The following FBN1 variants were observed in gnomAD, a reference collection of about 807,000 sequenced individuals.
FBN1 encodes fibrillin-1.
A neutral mutation model predicts 365.1 loss-of-function variants in FBN1; 29 were observed. The observed-to-expected ratio is 0.08, with a 90% CI of 0.06 to 0.11. FBN1 has a LOEUF of 0.11. Ranked by LOEUF, FBN1 falls within the 10% of genes least tolerant of loss-of-function variation. FBN1 has a pLI of 1.00. For synonymous variants in FBN1, 1,210 were observed against 1,270.5 expected (o/e 0.95, Z 1.01); for missense variants, 2,476 against 3,703.2 (o/e 0.67, Z 8.60).
At chr15:48,526,047 C>T (rs938018131) in intron 9 of FBN1, 83 bp downstream of exon 9, 1 of 1,536,416 alleles carries the variant, frequency 6.5e-7, no homozygotes, top group Admixed American at 1.7e-5. Flanking sequence ...ATTATATGTG[C>T]TCCTTAACAA....
intron 56 of FBN1, 44 bp downstream of exon 56, chr15:48,430,627 C>T: frequency 1.2e-6 from 2 of 1,612,260 alleles, no homozygotes; most frequent in Non-Finnish European, 1.7e-6. Flanking sequence ...TGTCCACTGT[C>T]ACTTCTGATG....
chr15:48,480,644 AATAAAT>A (rs2043458703), intron 32 of FBN1, among the ~76,000 whole-genome samples: 2 of 152,286 alleles, frequency 1.3e-5, no homozygotes, highest in South Asian at 4.1e-4. Flanking sequence ...TTGAAACAAT[AATAAAT>A]ATATTTTGGT....
At chr15:48,601,258 GC>G (rs779575731) in intron 4 of FBN1, among the ~76,000 whole-genome samples, 2 of 152,186 alleles carry the variant, frequency 1.3e-5, no homozygotes, top group Non-Finnish European at 1.5e-5. Flanking sequence ...GCAGGCAAGT[GC>G]TCTCATTTCT....
intron 54 of FBN1, 126 bp downstream of exon 54, chr15:48,434,468 C>T (rs2043048507): frequency 1.7e-6 from 2 of 1,149,468 alleles, no homozygotes; most frequent in African/African-American, 1.5e-5. Context: ...GATCAAATGG[C>T]CCATCAGGCC....
intron 2 of FBN1, among the ~76,000 whole-genome samples, chr15:48,639,009 T>C (rs1164826859): frequency 6.6e-6 from 1 of 152,248 alleles, no homozygotes; most frequent in South Asian, 2.1e-4. Context: ...GTTTTATTAA[T>C]GTCTTTGCAG....
chr15:48,546,236 T>A (rs951144068), intron 6 of FBN1, among the ~76,000 whole-genome samples: 4 of 152,166 alleles, frequency 2.6e-5, no homozygotes, highest in African/African-American at 9.7e-5. Context: ...GAGGAGGTAG[T>A]GAATAAATAG....
intron 6 of FBN1, among the ~76,000 whole-genome samples, chr15:48,587,481 G>A (rs1160705101): frequency 2.0e-5 from 3 of 152,188 alleles, no homozygotes; most frequent in Non-Finnish European, 2.9e-5. Context: ...TTGGAGTTAT[G>A]TGAGTTGACG....
At chr15:48,529,177 TG>T (rs1248060332) in intron 8 of FBN1, 2 of 152,336 alleles carry the variant, frequency 1.3e-5, no homozygotes, top group Admixed American at 6.5e-5. Flanking sequence ...GGTGCTTGGC[TG>T]GGAAGAGCTA....
At chr15:48,428,182 A>G in intron 57 of FBN1, 164 bp downstream of exon 57, 5 of 863,792 alleles carry the variant, frequency 5.8e-6, no homozygotes, top group Non-Finnish European at 7.5e-6. Flanking sequence ...GGTGGTGCTG[A>G]GCCCAATGGA....
At position 48,639,695 on chromosome 15, in the gene FBN1, C is replaced by A. The variant is rs145090346; in HGVS notation, c.164+4911G>T. Reference sequence around the variant, plus strand: ...ACTTGAACAATCATGAAACGCTAAACTATCATGTGCCTGAGTTAGGCCACA... The same window carrying A: ...ACTTGAACAATCATGAAACGCTAAAATATCATGTGCCTGAGTTAGGCCACA... On this transcript the variant is annotated intron_variant, in intron 2 of 65. Coordinates refer to ENST00000316623, the MANE Select transcript of FBN1 (RefSeq NM_000138.5). Among the ~76,000 whole-genome samples the A allele has an allele frequency of 4.6e-3, 706 of 152,314 alleles. 10 individuals are homozygous for A. The highest frequency in any genetic ancestry group is 0.017 in the African/African-American group (689 of 41,566).
intron 4 of FBN1, among the ~76,000 whole-genome samples, chr15:48,604,450 G>C (rs773788825): frequency 6.6e-6 from 1 of 152,152 alleles, no homozygotes; most frequent in Non-Finnish European, 1.5e-5. Flanking sequence ...TCATTTAGAG[G>C]GATAACAGCA....
At chr15:48,425,027 GAATA>G (rs936070868) in intron 60 of FBN1, among the ~76,000 whole-genome samples, 37 of 152,280 alleles carry the variant, frequency 2.4e-4, no homozygotes, top group African/African-American at 8.9e-4. Flanking sequence ...TAGCTATAAA[GAATA>G]AATACAAAAA....
At chr15:48,515,685 C>T (rs2043795271) in intron 11 of FBN1, among the ~76,000 whole-genome samples, 158 bp from the exon 12 acceptor site, 1 of 152,188 alleles carries the variant, frequency 6.6e-6, no homozygotes, top group Non-Finnish European at 1.5e-5. Context: ...TTCCACCCTG[C>T]CAACAGAGAT....
In FBN1 at chr15:48,487,335, G is replaced by T. The variant is rs1486493517; in HGVS notation, c.3440C>A (p.Ser1147Tyr). The change falls in exon 28 of 66, where the codon TCC becomes TAC. Residue 1147 changes from serine to tyrosine, a missense_variant. Transcript: ENST00000316623. ...ACCGATACACGCGGAGATGTTGGGGGACAGCTGATGGCCAGGCGGGCATTC... is the reference window on the plus strand; with the variant it reads ...ACCGATACACGCGGAGATGTTGGGGTACAGCTGATGGCCAGGCGGGCATTC... ...RCECPPGHQL[S>Y]PNISACIDIN... The T allele has an allele frequency of 1.2e-6, 2 of 1,614,218 alleles. No homozygotes were observed. Among genetic ancestry groups the T allele is most frequent in the Non-Finnish European group, 1.7e-6 (2 of 1,180,030 alleles).
At chr15:48,496,910 C>T (rs2043613023) in intron 19 of FBN1, among the ~76,000 whole-genome samples, 1 of 152,146 alleles carries the variant, frequency 6.6e-6, no homozygotes, top group South Asian at 2.1e-4. Flanking sequence ...GGGAGAAGAG[C>T]TGCTTCTCTC....
At chr15:48,453,303 AAC>A (rs1555396241) in intron 44 of FBN1, among the ~76,000 whole-genome samples, 1 of 140,680 alleles carries the variant, frequency 7.1e-6, no homozygotes, top group African/African-American at 2.8e-5. Context: ...ACAAAAAAAA[AAC>A]ACACACAAAA....
At chr15:48,607,003 C>A (rs947697053) in intron 4 of FBN1, among the ~76,000 whole-genome samples, 2 of 152,126 alleles carry the variant, frequency 1.3e-5, no homozygotes, top group Non-Finnish European at 2.9e-5. Context: ...CATGGGATGG[C>A]CCTCTATAGA....
chr15:48,499,108 G>A (rs1157398511), intron 17 of FBN1, 70 bp from the exon 18 acceptor site: 2 of 1,471,274 alleles, frequency 1.4e-6, no homozygotes, highest in Non-Finnish European at 9.5e-7. Flanking sequence ...CCTTGGTTTT[G>A]CACACATCAT....
chr15:48,453,031 C>T (rs35103345), intron 44 of FBN1, among the ~76,000 whole-genome samples: 3,324 of 152,118 alleles, frequency 0.022, 68 homozygotes, highest in East Asian at 0.083. Context: ...CTAAGGCGGG[C>T]GGATCACCTG....
Sources: gnomAD v4.1 joint callset for allele counts (sites outside exome capture counted in the v4.1 genomes callset) on GRCh38, gnomAD v4.1.1 for gene constraint, MANE v1.5 for transcripts, NCBI Gene and HGNC (gene_info 2026-07-23, HGNC 2026-07-21) for gene names.